Variants in EPG5 observed in about 807,000 individuals in gnomAD.
EPG5 encodes ectopic P-granules 5 autophagy tethering factor.
EPG5 carries 159 observed loss-of-function variants against 302.7 expected under a neutral mutation model. The observed-to-expected ratio is 0.53, with a 90% CI of 0.46 to 0.60. EPG5 has a LOEUF of 0.60. Ranked by LOEUF, EPG5 falls within the 20% of genes least tolerant of loss-of-function variation. The pLI is 0.00. For synonymous variants in EPG5, 1,158 were observed against 1,136.8 expected, an observed-to-expected ratio of 1.02 and a Z score of -0.37; for missense variants, 2,896 against 3,092.4, an observed-to-expected ratio of 0.94 and a Z score of 1.51.
chr18:45,887,711 C>T (rs917884253), intron 29 of EPG5, 40 bp downstream of exon 29: 3 of 1,463,382 alleles, frequency 2.1e-6, no homozygotes, highest in Admixed American at 4.0e-5. Context: ...ACCGCAGAGA[C>T]TCATTATCTG....
chr18:45,838,843 T>C, the EPG5 span: 1 of 1,571,328 alleles, frequency 6.4e-7, no homozygotes, highest in Non-Finnish European at 8.6e-7. Flanking sequence ...GGGCAACAGC[T>C]TGGCAGCCGT....
intron 23 of EPG5, among the ~76,000 whole-genome samples, chr18:45,908,527 T>C (rs1007689376): frequency 6.6e-6 from 1 of 152,216 alleles, no homozygotes; most frequent in Non-Finnish European, 1.5e-5. Flanking sequence ...TTTAAACTTA[T>C]GCATTGTAGG....
chr18:45,844,854 T>A (rs922165101), downstream of EPG5, among the ~76,000 whole-genome samples: 7 of 152,174 alleles, frequency 4.6e-5, no homozygotes, highest in Admixed American at 4.6e-4. Context: ...ACAGGAGTGG[T>A]GTGTATTGGA....
chr18:45,961,757 C>CT (rs2051153004), intron 1 of EPG5, among the ~76,000 whole-genome samples: 1 of 151,424 alleles, frequency 6.6e-6, no homozygotes, highest in African/African-American at 2.4e-5. Flanking sequence ...ACTCAGGAGG[C>CT]TAAGGCAGGA....
intron 42 of EPG5, 102 bp downstream of exon 42, chr18:45,857,751 A>G: frequency 1.3e-6 from 1 of 780,634 alleles, no homozygotes; most frequent in South Asian, 2.1e-5. Flanking sequence ...GAGAACCTAG[A>G]TCCTAAGTCG....
the EPG5 span, among the ~76,000 whole-genome samples, chr18:45,832,143 C>T: frequency 1.2e-4 from 18 of 152,240 alleles, no homozygotes; most frequent in South Asian, 2.1e-4. Flanking sequence ...GGAGCATTTG[C>T]TGTGTGTGAG....
chr18:45,952,380 G>A lies in EPG5; in HGVS notation c.1252+20C>T, dbSNP rs752401150. 1 of 1,610,574 alleles carries A rather than the reference G, an allele frequency of 6.2e-7. No individual in the cohort carries two copies. Among genetic ancestry groups the A allele is most frequent in the Admixed American group, 1.7e-5 (1 of 59,598 alleles). ...TTTTTACTTCAAAACACAAGAAAGAGAGCTTCATTACTTACATACCTCGGC... is the reference window on the plus strand; with the variant it reads ...TTTTTACTTCAAAACACAAGAAAGAAAGCTTCATTACTTACATACCTCGGC... On this transcript the variant is annotated intron_variant, in intron 3 of 43. Transcript: ENST00000282041.
the EPG5 span, chr18:45,825,687 G>A: frequency 6.2e-7 from 1 of 1,607,264 alleles, no homozygotes. Context: ...TGGGGAGGTG[G>A]CCGAGAGCGG....
chr18:45,852,453 A>G lies in EPG5; in HGVS notation c.*14T>C, dbSNP rs556001850. The G allele has an allele frequency of 4.4e-6, 7 of 1,596,456 alleles. No homozygotes were observed. Among genetic ancestry groups the G allele is most frequent in the Non-Finnish European group, 6.0e-6 (7 of 1,173,310 alleles). On this transcript the variant is annotated 3_prime_UTR_variant, in exon 44 of 44. Transcript: ENST00000282041. ...CATAAACAGCAATGGGTTTTTCAAG[A>G]GCCTCAGTGTTAACTATCGTATGTG...
the EPG5 span, chr18:45,842,302 G>A: frequency 8.7e-7 from 1 of 1,144,568 alleles, no homozygotes; most frequent in East Asian, 2.4e-5. Flanking sequence ...CCCCAGCTGG[G>A]TGGCTCCTCC....
chr18:45,964,462 C>A (rs2051207296), intron 1 of EPG5, among the ~76,000 whole-genome samples: 1 of 152,048 alleles, frequency 6.6e-6, no homozygotes, highest in Non-Finnish European at 1.5e-5. Flanking sequence ...CTCTCATAGA[C>A]AACTAACATT....
intron 13 of EPG5, among the ~76,000 whole-genome samples, chr18:45,926,217 C>A (rs368499796): frequency 6.6e-6 from 1 of 152,194 alleles, no homozygotes; most frequent in South Asian, 2.1e-4. Flanking sequence ...AATCGGGGGA[C>A]GGCTATTCAC....
At chr18:45,922,195 G>C (rs964763372) in intron 16 of EPG5, 146 bp downstream of exon 16, 3 of 1,004,622 alleles carry the variant, frequency 3.0e-6, no homozygotes, top group Non-Finnish European at 4.3e-6. Flanking sequence ...ATCTCCCCTT[G>C]ATAAGCTGTT....
rs1157332712 is a variant in EPG5, at chr18:45,925,851, CAGA to C, written c.2602_2604del (p.Ser868del). Reference sequence around the variant, plus strand: ...TCCCGAATCACCGCTATCTCAGATGCAGAAGGTTGCCAAAGATACAAAGGCAGT... The same window carrying C: ...TCCCGAATCACCGCTATCTCAGATGCAGGTTGCCAAAGATACAAAGGCAGT... On this transcript the variant is annotated inframe_deletion, in exon 14 of 44. Transcript: ENST00000282041. The C allele has an allele frequency of 1.3e-6, 2 of 1,565,856 alleles. No individual in the cohort carries two copies. The highest frequency in any genetic ancestry group is 2.4e-5 in the South Asian group (2 of 81,980).
At chr18:45,945,897 G>A (rs1311421027) in intron 7 of EPG5, among the ~76,000 whole-genome samples, 2 of 152,140 alleles carry the variant, frequency 1.3e-5, no homozygotes, top group East Asian at 1.9e-4. Context: ...ACACAGACAC[G>A]ATCCAACAGC....
At chr18:45,900,569 CA>C (rs1223501772) in intron 26 of EPG5, among the ~76,000 whole-genome samples, 1 of 152,120 alleles carries the variant, frequency 6.6e-6, no homozygotes, top group Non-Finnish European at 1.5e-5. Flanking sequence ...CTTGTGAACT[CA>C]AAACAATGAC....
rs373116504 is a variant in EPG5 at position 45,881,152 on chromosome 18, T to C, written c.5519-929A>G. Among the ~76,000 whole-genome samples the C allele has an allele frequency of 3.3e-4, 51 of 152,246 alleles. No individual in the cohort carries two copies. In the East Asian group the frequency reaches 4.3e-3, roughly 13 times the overall value. On this transcript the variant is annotated intron_variant, in intron 31 of 43. Coordinates refer to ENST00000282041, the MANE Select transcript of EPG5 (RefSeq NM_020964.3). The stretch of plus-strand genomic sequence containing the variant: ...GCTGAAGCTCATGACATCTGAGAGG[T>C]ATCATATTGTTATTCTTAAGTCTGA...
rs375867560 is a variant in EPG5 at position 45,901,083 on chromosome 18, G to A, written c.4559C>T (p.Pro1520Leu). The A allele has an allele frequency of 4.3e-6, 7 of 1,614,080 alleles. No homozygotes were observed. In the African/African-American group the frequency reaches 9.3e-5, roughly 22 times the overall value. ...CAATAGCACAGCAGAGGAAATAACT[G>A]GCACAGGAGGCTTCGTCGGGTGCAG... ...LALHPTKPPV[P>L]VISSAVLLSQ... The change falls in exon 26 of 44, where the codon CCA becomes CTA. Residue 1520 changes from proline to leucine, a missense_variant. Coordinates refer to ENST00000282041, the MANE Select transcript of EPG5 (RefSeq NM_020964.3).
At position 45,934,986 on chromosome 18, in the gene EPG5, A is replaced by G; in HGVS notation, c.2100-20T>C. Reference sequence around the variant, plus strand: ...CCAAGTCTGCATGTAAGCAGGAATCATTTTATTTATTAATCAGCTTCATTA... The same window carrying G: ...CCAAGTCTGCATGTAAGCAGGAATCGTTTTATTTATTAATCAGCTTCATTA... On this transcript the variant is annotated intron_variant, in intron 10 of 43. Transcript: ENST00000282041. The G allele has an allele frequency of 1.3e-6, 2 of 1,586,302 alleles. No individual in the cohort carries two copies. The highest frequency in any genetic ancestry group is 1.7e-6 in the Non-Finnish European group (2 of 1,166,716).
Sources: gnomAD v4.1 joint callset for allele counts (sites outside exome capture counted in the v4.1 genomes callset) on GRCh38, gnomAD v4.1.1 for gene constraint, MANE v1.5 for transcripts, NCBI Gene and HGNC (gene_info 2026-07-23, HGNC 2026-07-21) for gene names.